Variants in TEDC1 observed in about 807,000 individuals in gnomAD.
The protein encoded by TEDC1 is tubulin epsilon and delta complex 1.
A neutral mutation model predicts 59.9 loss-of-function variants in TEDC1; 54 were observed. That is an observed-to-expected ratio of 0.90 (90% CI 0.72 to 1.13). The LOEUF is 1.13. Ranked by LOEUF, TEDC1 falls within the 50% of genes most tolerant of loss-of-function variation. The pLI is 0.00. For missense variants in TEDC1, 734 were observed against 683.4 expected (o/e 1.07, Z -0.83); for synonymous variants, 353 against 298.1 (o/e 1.18, Z -1.90).
chr14:105,496,731 G>A (rs1482629458), intron 6 of TEDC1: 7 of 158,990 alleles, frequency 4.4e-5, no homozygotes, highest in Non-Finnish European at 9.6e-5. Flanking sequence ...CTTTGTGCAG[G>A]GCCATGGGGC....
intron 2 of TEDC1, 60 bp downstream of exon 2, chr14:105,491,760 GC>G (rs2084216446): frequency 9.4e-6 from 14 of 1,486,880 alleles, no homozygotes; most frequent in African/African-American, 1.5e-5. Context: ...CTCCTGTAAA[GC>G]CCCGCCTTCC....
intron 2 of TEDC1, 135 bp from the exon 3 acceptor site, chr14:105,491,972 A>G: frequency 5.0e-6 from 5 of 998,934 alleles, no homozygotes; most frequent in Admixed American, 2.2e-5. Flanking sequence ...TCTGAGTTCT[A>G]GCTCTCCCAC....
rs587675709 is a variant in TEDC1, at chr14:105,491,673, G to T, written c.199G>T (p.Gly67Cys). ...LFRVLSPLPA[G>C]NALASLALEV... Reference sequence around the variant, plus strand: ...CCGTGTGCTCTCGCCACTCCCTGCGGGCAACGCCTTGGCATCGCTCGCCCT... The same window carrying T: ...CCGTGTGCTCTCGCCACTCCCTGCGTGCAACGCCTTGGCATCGCTCGCCCT... Residue 67 changes from glycine (G) to cysteine (C), a missense_variant, in exon 2 of 9, where the codon GGC becomes TGC. By Grantham distance (159) the Gly-to-Cys change is radical. Transcript: ENST00000392523. 1.2e-4 allele frequency: 183 copies of T among 1,549,566 alleles called. 2 individuals carry two copies. In the African/African-American group the frequency reaches 2.1e-3, roughly 18 times the overall value.
chr14:105,490,855 C>T (rs1332542077), upstream of TEDC1: 23 of 695,222 alleles, frequency 3.3e-5, no homozygotes, highest in African/African-American at 3.2e-4. Context: ...CGCTCCCGCC[C>T]GGCGGTTGCT....
Position 105,491,465 on chromosome 14 carries a change from G to A in TEDC1, c.90G>A (p.Leu30=). 4.1e-6 allele frequency: 6 copies of A among 1,467,318 alleles called. No homozygotes were observed. The highest frequency in any genetic ancestry group is 1.4e-5 in the South Asian group (1 of 73,994). 90.9% of individuals were successfully genotyped at this position (1,467,318 alleles called of 1,614,324 possible). ...CCATCGCCGCGTTGAGTCGGTCGCT[G>A]CCCTCGGGACCCAGCCCCGAGATCT... ...PEAIAALSRS[L]PSGPSPEIFR... Residue 30 remains leucine (L), a synonymous_variant, in exon 1 of 9, where the codon CTG becomes CTA. Transcript: ENST00000392523.
At chr14:105,493,714 GC>G (rs1320964213) in intron 4 of TEDC1, 120 bp from the exon 5 acceptor site, 2 of 700,180 alleles carry the variant, frequency 2.9e-6, no homozygotes, top group Non-Finnish European at 4.9e-6. Context: ...CTTTCTCTGA[GC>G]CCTCTTTCCT....
At chr14:105,493,454 A>G (rs2084265473) in intron 4 of TEDC1, among the ~76,000 whole-genome samples, 1 of 151,986 alleles carries the variant, frequency 6.6e-6, no homozygotes, top group Non-Finnish European at 1.5e-5. Flanking sequence ...CCATTTCCCT[A>G]GATCCAAGCA....
At chr14:105,498,584 G>A (rs370585717) in intron 8 of TEDC1, 33 bp from the exon 9 acceptor site, 1 of 1,503,664 alleles carries the variant, frequency 6.7e-7, no homozygotes. Context: ...GTGTCCTGGG[G>A]GGACAGAGCC....
upstream of TEDC1, chr14:105,490,604 G>A (rs1595467655): frequency 6.5e-6 from 1 of 153,240 alleles, no homozygotes; most frequent in South Asian, 2.1e-4. Context: ...TGCCGCGGGC[G>A]GGCGAGGATC....
chr14:105,495,851 A>G (rs1555440319), intron 5 of TEDC1, 29 bp from the exon 6 acceptor site: 1 of 1,508,754 alleles, frequency 6.6e-7, no homozygotes, highest in South Asian at 1.2e-5. Flanking sequence ...GGCCAGGTGG[A>G]CTGGGGCCAT....
At chr14:105,491,762 C>T (rs2084216503) in intron 2 of TEDC1, 62 bp downstream of exon 2, 4 of 1,494,726 alleles carry the variant, frequency 2.7e-6, no homozygotes, top group African/African-American at 2.8e-5. Context: ...CCTGTAAAGC[C>T]CCGCCTTCCC....
intron 6 of TEDC1, 66 bp downstream of exon 6, chr14:105,496,152 C>CCCCCCGGGGGG: frequency 1.9e-5 from 3 of 157,698 alleles, no homozygotes; most frequent in East Asian, 1.5e-4. Context: ...GAGGGGGTGG[C>CCCCCCGGGGGG]GAGGGGGTGT....
chr14:105,491,333 C>T lies in TEDC1; in HGVS notation c.-43C>T. 1.4e-6 allele frequency: 2 copies of T among 1,464,612 alleles called. No individual in the cohort carries two copies. Among genetic ancestry groups the T allele is most frequent in the South Asian group, 2.7e-5 (2 of 72,924 alleles). The allele number at this position is 1,464,612 out of a possible 1,614,324, so 90.7% of individuals were successfully genotyped here. A position where few individuals can be genotyped will look rare whatever the true frequency, so the allele number is the denominator to read the frequency against. On this transcript the variant is annotated 5_prime_UTR_variant, in exon 1 of 9. Transcript: ENST00000392523. ...CGGTGATTGGACGCAGGCCCCGGGC[C>T]GCGGCGGAGGCGGGCGATCCGAAAG...
At position 105,495,929 on chromosome 14, in the gene TEDC1, G is replaced by A. The variant is rs782292214; in HGVS notation, c.734G>A (p.Cys245Tyr). ...AACCTGGACCTGGCCTACCCAAAGT[G>A]CCTGCACTCCTTCTGCACTCCTGGG... ...AQNLDLAYPK[C>Y]LHSFCTPGMG... Residue 245 changes from cysteine to tyrosine, a missense_variant, in exon 6 of 9, where the codon TGC (cysteine) becomes TAC (tyrosine). Transcript: ENST00000392523. 6.5e-7 allele frequency: 1 copy of A among 1,550,310 alleles called. No homozygotes were observed. Among genetic ancestry groups the A allele is most frequent in the South Asian group, 1.2e-5 (1 of 84,064 alleles).
upstream of TEDC1, chr14:105,491,009 C>T: frequency 6.5e-7 from 1 of 1,548,430 alleles, no homozygotes; most frequent in Non-Finnish European, 8.7e-7. Flanking sequence ...AGTGGGTCCG[C>T]ACGAGACAGA....
intron 4 of TEDC1, 71 bp from the exon 5 acceptor site, chr14:105,493,764 C>A: frequency 9.0e-7 from 1 of 1,115,288 alleles, no homozygotes; most frequent in Non-Finnish European, 1.3e-6. Context: ...CCTCCCTGGA[C>A]TCATGGAGAC....
At position 105,496,530 on chromosome 14, in the gene TEDC1, CAG is replaced by C. The variant is rs2084350701; in HGVS notation, c.891+445_891+446del. On this transcript the variant is annotated intron_variant, in intron 6 of 8. Coordinates refer to ENST00000392523, the MANE Select transcript of TEDC1 (RefSeq NM_001367178.1). ...CCACACTCTGGGTTCCCGGGGGAAG[CAG>C]GGGTAGAGTGGGGCAGGATTCAGGT... The C allele has an allele frequency of 1.5e-5, 3 of 198,498 alleles. No homozygotes were observed. The South Asian group carries it at 2.7e-4, about 18-fold the overall frequency. 12.3% of individuals were successfully genotyped at this position (198,498 alleles called of 1,614,324 possible).
At position 105,497,732 on chromosome 14, in the gene TEDC1, C is replaced by T. The variant is rs1301045771; in HGVS notation, c.979-66C>T. The T allele has an allele frequency of 3.4e-6, 5 of 1,460,514 alleles. No individual in the cohort carries two copies. The African/African-American group carries it at 5.7e-5, about 17-fold the overall frequency. 90.5% of individuals were successfully genotyped at this position (1,460,514 alleles called of 1,614,324 possible). ...GTGGGACCTGGGGGACTACCACTGC[C>T]CTCTTTGCCCTCTGTCCCTCTGTCC... is the stretch of plus-strand genomic sequence containing the variant. On this transcript the variant is annotated intron_variant, in intron 7 of 8. Transcript: ENST00000392523.
chr14:105,496,876 G>A (rs2084358523), intron 6 of TEDC1: 1 of 209,494 alleles, frequency 4.8e-6, no homozygotes, highest in Admixed American at 6.2e-5. Context: ...AAGTTACAGG[G>A]GATGGGTTTT....
Sources: gnomAD v4.1 joint callset for allele counts (sites outside exome capture counted in the v4.1 genomes callset) on GRCh38, gnomAD v4.1.1 for gene constraint, MANE v1.5 for transcripts, NCBI Gene and HGNC (gene_info 2026-07-23, HGNC 2026-07-21) for gene names.